Variants in CFAP221 observed in about 807,000 individuals in gnomAD.
The protein encoded by CFAP221 is cilia and flagella associated protein 221, also known as cilia- and flagella-associated protein 221.
A neutral mutation model predicts 113.1 loss-of-function variants in CFAP221; 97 were observed. The ratio of observed to expected loss-of-function variants is 0.86; its 90% CI spans 0.73 to 1.02. The LOEUF is 1.02. Among genes scored for constraint, CFAP221 ranks in the 50% least tolerant of loss-of-function variants. The probability of loss-of-function intolerance (pLI) is 0.00; values close to 1 mark genes in which losing one functional copy is unlikely to be tolerated. For synonymous variants in CFAP221, 331 were observed against 354.4 expected, an observed-to-expected ratio of 0.93 and a Z score of 0.74; for missense variants, 1,025 against 1,013.4, an observed-to-expected ratio of 1.01 and a Z score of -0.16.
At chr2:119,603,356 T>C (rs1306129736) in intron 8 of CFAP221, among the ~76,000 whole-genome samples, 1 of 152,046 alleles carries the variant, frequency 6.6e-6, no homozygotes, top group African/African-American at 2.4e-5. Flanking sequence ...GAGACAGGGA[T>C]GCTGAACCTC....
At chr2:119,591,899 A>G (rs576845074) in intron 7 of CFAP221, among the ~76,000 whole-genome samples, 1 of 152,180 alleles carries the variant, frequency 6.6e-6, no homozygotes, top group African/African-American at 2.4e-5. Context: ...AACAGCAACA[A>G]TGGGAAAAAA....
At chr2:119,572,474 A>C in intron 6 of CFAP221, 1 of 661,162 alleles carries the variant, frequency 1.5e-6, no homozygotes, top group Non-Finnish European at 2.8e-6. Context: ...TTAGATACAG[A>C]AATTTTATAT....
chr2:119,584,555 C>T (rs1683074094), intron 6 of CFAP221, among the ~76,000 whole-genome samples: 1 of 151,818 alleles, frequency 6.6e-6, no homozygotes, highest in African/African-American at 2.4e-5. Flanking sequence ...CCACTGCACC[C>T]CAGACTGGGT....
At chr2:119,609,558 T>C (rs904636582) in intron 12 of CFAP221, among the ~76,000 whole-genome samples, 3 of 152,188 alleles carry the variant, frequency 2.0e-5, no homozygotes, top group Non-Finnish European at 4.4e-5. Context: ...GTCTGTGTCC[T>C]AATCTCCTCT....
Position 119,604,793 on chromosome 2 carries a change from G to A in CFAP221, c.912+1G>A. 1 of 1,569,908 alleles carries A rather than the reference G, an allele frequency of 6.4e-7. No homozygotes were observed. The highest frequency in any genetic ancestry group is 8.6e-7 in the Non-Finnish European group (1 of 1,158,726). ...GAAGCCGAAGCCTCAGAAGGTGAAG[G>A]TACGGTGGGCCTTGTCCTTGGTGCG... On this transcript the variant is annotated splice_donor_variant, in intron 9 of 23. Transcript: ENST00000413369. LOFTEE classifies it high-confidence loss of function.
chr2:119,623,549 A>G (rs1185622406), intron 14 of CFAP221, among the ~76,000 whole-genome samples: 3 of 152,162 alleles, frequency 2.0e-5, no homozygotes, highest in African/African-American at 7.2e-5. Flanking sequence ...AAAAAGAGCC[A>G]GTATCGCCAA....
chr2:119,615,392 A>T (rs1219512459), intron 13 of CFAP221, among the ~76,000 whole-genome samples: 14 of 152,224 alleles, frequency 9.2e-5, no homozygotes, highest in Admixed American at 8.5e-4. Context: ...TAAGTTTCTT[A>T]AAACCCTAAT....
chr2:119,572,424 C>G (rs1682125423), intron 6 of CFAP221: 2 of 560,814 alleles, frequency 3.6e-6, no homozygotes, highest in South Asian at 5.2e-5. Flanking sequence ...AAAATACAAT[C>G]TCAATCTTCT....
rs911268703 is a variant in CFAP221 at position 119,601,320 on chromosome 2, A to C, written c.734A>C (p.Asn245Thr). Residue 245 changes from asparagine (N) to threonine (T), a missense_variant, in exon 8 of 24, where the codon AAC becomes ACC. By Grantham distance (65) the Asn-to-Thr change is moderately conservative. Transcript: ENST00000413369. ...ATGCAGTTATGGATTTCGCAGTTCA[A>C]CTCTCAACCATACGAATGTGTCTTC... ...IKMQLWISQFNSQPYECVFTG... is the reference protein window; with the variant it reads ...IKMQLWISQFTSQPYECVFTG... The C allele has an allele frequency of 3.9e-6, 6 of 1,535,492 alleles. No homozygotes were observed. In the Admixed American group the frequency reaches 5.9e-5, roughly 15 times the overall value.
Position 119,642,533 on chromosome 2 carries a change from C to CT in CFAP221, c.2225+2687dup, listed in dbSNP as rs56224952. Among the ~76,000 whole-genome samples the CT allele has an allele frequency of 2.8e-3, 153 of 54,668 alleles. 1 individual carries two copies. The highest frequency in any genetic ancestry group is 0.01 in the African/African-American group (143 of 13,950). The allele number at this position is 54,668 out of a possible 152,430, so 35.9% of individuals were successfully genotyped here. On this transcript the variant is annotated intron_variant, in intron 21 of 23. Coordinates refer to ENST00000413369, the MANE Select transcript of CFAP221 (RefSeq NM_001271049.2). Reference sequence around the variant, plus strand: ...AGAAAGGGGAAGGGAGCTCTCAGGCCTTTTTTTTTTTTTTTTTTTTTTTTT... The same window carrying CT: ...AGAAAGGGGAAGGGAGCTCTCAGGCCTTTTTTTTTTTTTTTTTTTTTTTTTT...
chr2:119,616,707 C>T (rs1395766628), intron 14 of CFAP221, among the ~76,000 whole-genome samples: 6 of 152,242 alleles, frequency 3.9e-5, no homozygotes, highest in Non-Finnish European at 8.8e-5. Flanking sequence ...CCTGCTACTA[C>T]CCCTGTGAAT....
At chr2:119,641,792 A>G (rs1191432904) in intron 21 of CFAP221, among the ~76,000 whole-genome samples, 2 of 152,120 alleles carry the variant, frequency 1.3e-5, no homozygotes, top group Admixed American at 6.5e-5. Context: ...AGACTGCCTC[A>G]TTTTGCTGCG....
chr2:119,626,656 G>A (rs1239533770), intron 15 of CFAP221, among the ~76,000 whole-genome samples: 4 of 152,102 alleles, frequency 2.6e-5, no homozygotes, highest in Non-Finnish European at 4.4e-5. Context: ...TGGCCACTGT[G>A]GCCACTGTAG....
rs1686409283 is a variant in CFAP221, at chr2:119,627,648, C to T, written c.1517-5C>T. 1.2e-6 allele frequency: 2 copies of T among 1,612,032 alleles called. No homozygotes were observed. The highest frequency in any genetic ancestry group is 1.7e-6 in the Non-Finnish European group (2 of 1,179,300). ...CCCTAAAAGTGCCCTTTTTTTCACC[C>T]ATAGAGGCGAATTTCTTCAAATTCT... is the stretch of plus-strand genomic sequence containing the variant. On this transcript the variant is annotated splice_polypyrimidine_tract_variant and splice_region_variant and intron_variant, in intron 15 of 23. Transcript: ENST00000413369.
At chr2:119,656,064 T>G in intron 23 of CFAP221, 1 of 347,572 alleles carries the variant, frequency 2.9e-6, no homozygotes, top group Non-Finnish European at 5.4e-6. Context: ...TCACCTTTGC[T>G]ACAATGCTGG....
intron 20 of CFAP221, among the ~76,000 whole-genome samples, 176 bp downstream of exon 20, chr2:119,638,593 C>T (rs578153227): frequency 5.3e-5 from 8 of 152,274 alleles, no homozygotes; most frequent in African/African-American, 1.4e-4. Flanking sequence ...GTGGAGACCC[C>T]GCACCGCCTT....
chr2:119,617,462 G>A (rs1685606970), intron 14 of CFAP221, among the ~76,000 whole-genome samples: 1 of 152,238 alleles, frequency 6.6e-6, no homozygotes, highest in South Asian at 2.1e-4. Flanking sequence ...AAAAACAACA[G>A]CAAGAGACTG....
At chr2:119,606,295 T>A (rs572367738) in intron 11 of CFAP221, among the ~76,000 whole-genome samples, 3 of 151,946 alleles carry the variant, frequency 2.0e-5, no homozygotes, top group Non-Finnish European at 4.4e-5. Flanking sequence ...TCCCCATGCC[T>A]GAGCTAAAGT....
At chr2:119,607,709 C>A (rs930703343) in intron 11 of CFAP221, among the ~76,000 whole-genome samples, 3 of 152,170 alleles carry the variant, frequency 2.0e-5, no homozygotes, top group Non-Finnish European at 4.4e-5. Context: ...AATCTACTTT[C>A]AGTCTCTATG....
Sources: allele counts gnomAD v4.1 joint callset (sites outside exome capture counted in the v4.1 genomes callset), GRCh38; gene constraint gnomAD v4.1.1; transcripts MANE v1.5; gene names NCBI Gene and HGNC (gene_info 2026-07-23, HGNC 2026-07-21).